The following TMEM108 variants were observed in gnomAD, a reference collection of about 807,000 sequenced individuals.
The protein encoded by TMEM108 is cancer/testis antigen 124.
In TMEM108, 12 loss-of-function variants were observed where a neutral mutation model predicts 35.1. The ratio of observed to expected loss-of-function variants is 0.34; its 90% CI spans 0.22 to 0.55. The LOEUF (loss-of-function observed/expected upper bound fraction) is 0.55, where lower values mean the gene tolerates loss of function less well. TMEM108 is among the 20% of genes least tolerant of loss of function. TMEM108 has a pLI of 0.89. For missense variants in TMEM108, 680 were observed against 753.3 expected, an observed-to-expected ratio of 0.90 and a Z score of 1.14; for synonymous variants, 287 against 308.6, an observed-to-expected ratio of 0.93 and a Z score of 0.73.
At chr3:133,124,189 A>G (rs1161179666) in intron 2 of TMEM108, among the ~76,000 whole-genome samples, 1 of 152,234 alleles carries the variant, frequency 6.6e-6, no homozygotes, top group Non-Finnish European at 1.5e-5. Flanking sequence ...TATGGAAAGC[A>G]GCATCAGTCA....
intron 2 of TMEM108, among the ~76,000 whole-genome samples, chr3:133,065,522 C>T (rs981308244): frequency 2.0e-5 from 3 of 151,978 alleles, no homozygotes; most frequent in Non-Finnish European, 2.9e-5. Context: ...GAAACAGGTT[C>T]TTTCTTCCTA....
At chr3:133,262,816 A>C (rs1464866869) in intron 3 of TMEM108, among the ~76,000 whole-genome samples, 1 of 152,216 alleles carries the variant, frequency 6.6e-6, no homozygotes, top group African/African-American at 2.4e-5. Context: ...TTTCACTCAA[A>C]AGAGTTGCTT....
At chr3:133,386,006 G>C (rs562085880) in intron 4 of TMEM108, among the ~76,000 whole-genome samples, 3 of 152,334 alleles carry the variant, frequency 2.0e-5, no homozygotes, top group Admixed American at 2.0e-4. Flanking sequence ...TGAAAGGAGA[G>C]GGAGAAGGAA....
chr3:133,177,817 A>G (rs1945260629), intron 2 of TMEM108, among the ~76,000 whole-genome samples: 4 of 152,120 alleles, frequency 2.6e-5, no homozygotes, highest in African/African-American at 7.2e-5. Flanking sequence ...GGCCAGGGCA[A>G]TTAGGCAGGA....
At chr3:133,362,194 C>T (rs982929486) in intron 3 of TMEM108, among the ~76,000 whole-genome samples, 1 of 152,100 alleles carries the variant, frequency 6.6e-6, no homozygotes, top group Non-Finnish European at 1.5e-5. Flanking sequence ...CCAAAAGTTC[C>T]GCAACATAAT....
intron 2 of TMEM108, among the ~76,000 whole-genome samples, chr3:133,146,919 A>G (rs1374013323): frequency 6.6e-6 from 1 of 152,002 alleles, no homozygotes; most frequent in East Asian, 1.9e-4. Context: ...CAGCTCCTGG[A>G]TTCATTGATT....
At chr3:133,331,802 T>A (rs2071396490) in intron 3 of TMEM108, among the ~76,000 whole-genome samples, 1 of 152,134 alleles carries the variant, frequency 6.6e-6, no homozygotes, top group African/African-American at 2.4e-5. Context: ...TGATGGAGGA[T>A]GGGGAGGCCT....
At chr3:133,395,791 G>A in intron 5 of TMEM108, 73 bp from the exon 6 acceptor site, 3 of 1,418,730 alleles carry the variant, frequency 2.1e-6, no homozygotes, top group Admixed American at 2.6e-5. Context: ...GTTCCCATGT[G>A]TACATTTCTT....
At chr3:133,048,396 T>G (rs1361572253) in intron 2 of TMEM108, among the ~76,000 whole-genome samples, 13 of 152,238 alleles carry the variant, frequency 8.5e-5, no homozygotes, top group Admixed American at 7.9e-4. Context: ...TTATCTTTAA[T>G]ATATGCCCTT....
chr3:133,359,966 C>T (rs1227547950), intron 3 of TMEM108, among the ~76,000 whole-genome samples: 3 of 136,606 alleles, frequency 2.2e-5, no homozygotes, highest in African/African-American at 5.5e-5. Flanking sequence ...AATGAATATA[C>T]GAATTGGTCA....
At chr3:133,149,208 C>T (rs1287426016) in intron 2 of TMEM108, among the ~76,000 whole-genome samples, 2 of 152,006 alleles carry the variant, frequency 1.3e-5, no homozygotes, top group East Asian at 1.9e-4. Context: ...TTTCCTGTCT[C>T]CCCCAACCAG....
intron 3 of TMEM108, among the ~76,000 whole-genome samples, chr3:133,262,741 G>C (rs1946642062): frequency 6.6e-6 from 1 of 152,172 alleles, no homozygotes; most frequent in African/African-American, 2.4e-5. Flanking sequence ...ACTAGGCGGG[G>C]GATGCACACA....
chr3:133,162,652 G>A (rs1053126916), intron 2 of TMEM108, among the ~76,000 whole-genome samples: 2 of 152,258 alleles, frequency 1.3e-5, no homozygotes, highest in Non-Finnish European at 2.9e-5. Context: ...TCTTGGGAAA[G>A]CAGGTCTTTA....
chr3:133,140,935 A>C (rs899437242), intron 2 of TMEM108, among the ~76,000 whole-genome samples: 1 of 152,186 alleles, frequency 6.6e-6, no homozygotes, highest in Non-Finnish European at 1.5e-5. Flanking sequence ...ATGTGTGCCA[A>C]GCATGGGCTC....
intron 3 of TMEM108, among the ~76,000 whole-genome samples, chr3:133,272,272 C>CGTGTGTGTGTGTGTGTGT (rs3078833): frequency 1.7e-3 from 235 of 137,830 alleles, no homozygotes; most frequent in Non-Finnish European, 2.0e-3. Flanking sequence ...CATACACGTA[C>CGTGTGTGTGTGTGTGTGT]GTGTGTGTGT....
At chr3:133,040,766 A>G (rs1006673952) in intron 1 of TMEM108, among the ~76,000 whole-genome samples, 10 of 152,210 alleles carry the variant, frequency 6.6e-5, no homozygotes, top group Admixed American at 1.3e-4. Context: ...TCAGTGACCT[A>G]TAGGACAAGG....
intron 3 of TMEM108, among the ~76,000 whole-genome samples, chr3:133,328,340 C>G (rs1205021945): frequency 6.6e-6 from 1 of 152,184 alleles, no homozygotes; most frequent in Non-Finnish European, 1.5e-5. Context: ...GAAAAAAACT[C>G]TAAGCCTGTC....
chr3:133,122,954 A>G (rs1054743343), intron 2 of TMEM108, among the ~76,000 whole-genome samples: 3 of 152,142 alleles, frequency 2.0e-5, no homozygotes, highest in Admixed American at 6.5e-5. Context: ...CCTAAATATC[A>G]TTCCTTAAAG....
chr3:133,391,093 G>T (rs1265859350), intron 5 of TMEM108, among the ~76,000 whole-genome samples: 1 of 152,176 alleles, frequency 6.6e-6, no homozygotes, highest in South Asian at 2.1e-4. Flanking sequence ...GGGGTATTAT[G>T]GCATTGGGAC....
Sources: allele counts gnomAD v4.1 joint callset (sites outside exome capture counted in the v4.1 genomes callset), GRCh38; gene constraint gnomAD v4.1.1; transcripts MANE v1.5; gene names NCBI Gene and HGNC (gene_info 2026-07-23, HGNC 2026-07-21).